Variants in XIRP2 observed in about 807,000 individuals in gnomAD.
The protein encoded by XIRP2 is xin actin-binding repeat-containing protein 2.
In XIRP2, 236 loss-of-function variants were observed where a neutral mutation model predicts 277.0. That is an observed-to-expected ratio of 0.85 (90% CI 0.77 to 0.95). The LOEUF is 0.95. Ranked by LOEUF, XIRP2 falls within the 40% of genes least tolerant of loss-of-function variation. The pLI is 0.00. For missense variants in XIRP2, 4,640 were observed against 4,157.5 expected (o/e 1.12, Z -3.19); for synonymous variants, 1,490 against 1,416.5 (o/e 1.05, Z -1.17).
chr2:167,201,287 A>G (rs1559018504), intron 3 of XIRP2, among the ~76,000 whole-genome samples: 2 of 148,832 alleles, frequency 1.3e-5, no homozygotes, highest in Non-Finnish European at 3.0e-5. Context: ...GAAAGAAGGA[A>G]GGAGGGAGGG....
At position 167,250,008 on chromosome 2, in the gene XIRP2, A is replaced by T. The variant is rs369691721; in HGVS notation, c.8616A>T (p.Thr2872=). ...CACAGACTCAGAATTTTCAGCAAACACAAATACAGACCGCTGAAAGTAAAG... is the reference window on the plus strand; with the variant it reads ...CACAGACTCAGAATTTTCAGCAAACTCAAATACAGACCGCTGAAAGTAAAG... ...LDSQTQNFQQ[T]QIQTAESKAE... Residue 2872 remains threonine, a synonymous_variant, in exon 9 of 11, where the codon ACA becomes ACT. Coordinates refer to ENST00000409195, the MANE Select transcript of XIRP2 (RefSeq NM_152381.6). 6.2e-7 allele frequency: 1 copy of T among 1,613,554 alleles called. No individual in the cohort carries two copies. The highest frequency in any genetic ancestry group is 1.3e-5 in the African/African-American group (1 of 74,880).
intron 9 of XIRP2, among the ~76,000 whole-genome samples, chr2:167,252,541 C>T (rs909204229): frequency 3.3e-5 from 5 of 151,742 alleles, no homozygotes; most frequent in Admixed American, 6.6e-5. Flanking sequence ...TGATTTTTTT[C>T]GCTTTTCTAA....
At chr2:166,930,643 T>C (rs1053883593) in intron 2 of XIRP2, among the ~76,000 whole-genome samples, 22 of 152,204 alleles carry the variant, frequency 1.4e-4, no homozygotes, top group African/African-American at 5.3e-4. Context: ...AAAAATTTCC[T>C]GATTGACACT....
intron 3 of XIRP2, among the ~76,000 whole-genome samples, chr2:167,149,434 C>T (rs1310896467): frequency 6.6e-6 from 1 of 152,042 alleles, no homozygotes; most frequent in Admixed American, 6.6e-5. Flanking sequence ...CAGAATTATG[C>T]CCATGTAAAC....
intron 2 of XIRP2, among the ~76,000 whole-genome samples, chr2:167,040,996 G>C (rs1003089075): frequency 6.6e-6 from 1 of 152,144 alleles, no homozygotes; most frequent in Non-Finnish European, 1.5e-5. Flanking sequence ...AAGTGCATTT[G>C]CCAGCATCCT....
chr2:166,971,096 T>C (rs189185347), intron 2 of XIRP2, among the ~76,000 whole-genome samples: 2 of 152,088 alleles, frequency 1.3e-5, no homozygotes, highest in Admixed American at 1.3e-4. Flanking sequence ...GAGATTATTT[T>C]TTTCCACATT....
chr2:167,064,954 C>T (rs944902361), intron 2 of XIRP2, among the ~76,000 whole-genome samples: 1 of 151,826 alleles, frequency 6.6e-6, no homozygotes, highest in African/African-American at 2.4e-5. Flanking sequence ...AATAATGCTG[C>T]TATGAATATG....
intron 2 of XIRP2, among the ~76,000 whole-genome samples, chr2:167,094,620 C>T (rs183518109): frequency 1.8e-4 from 28 of 152,100 alleles, no homozygotes; most frequent in East Asian, 5.8e-4. Flanking sequence ...AAAGATCAGA[C>T]GGTTGTAGAT....
chr2:166,918,336 C>T (rs1387578759), intron 2 of XIRP2, among the ~76,000 whole-genome samples: 7 of 151,984 alleles, frequency 4.6e-5, no homozygotes, highest in Admixed American at 3.9e-4. Context: ...CCAAAGGCCC[C>T]AGTTAAAGAC....
At chr2:167,242,088 A>T (rs1044231597) in intron 8 of XIRP2, among the ~76,000 whole-genome samples, 178 bp downstream of exon 8, 1 of 152,142 alleles carries the variant, frequency 6.6e-6, no homozygotes, top group African/African-American at 2.4e-5. Context: ...TAGAGTAAAA[A>T]CTTTTCTCAC....
At chr2:167,093,982 T>G (rs1690222544) in intron 2 of XIRP2, among the ~76,000 whole-genome samples, 1 of 151,770 alleles carries the variant, frequency 6.6e-6, no homozygotes, top group African/African-American at 2.4e-5. Flanking sequence ...GCATCTGTTG[T>G]TTCCTAACAT....
At chr2:167,211,458 A>G (rs1324195744) in intron 4 of XIRP2, among the ~76,000 whole-genome samples, 1 of 152,174 alleles carries the variant, frequency 6.6e-6, no homozygotes, top group Non-Finnish European at 1.5e-5. Context: ...GGGAATCATC[A>G]TTTATCACAC....
chr2:167,184,953 C>A (rs1573940526), intron 3 of XIRP2, among the ~76,000 whole-genome samples: 1 of 152,078 alleles, frequency 6.6e-6, no homozygotes, highest in Non-Finnish European at 1.5e-5. Context: ...AATCTTTCTG[C>A]CTTTATATCT....
intron 2 of XIRP2, among the ~76,000 whole-genome samples, chr2:166,938,944 G>T (rs200325036): frequency 6.6e-6 from 1 of 152,050 alleles, no homozygotes; most frequent in Non-Finnish European, 1.5e-5. Flanking sequence ...CCATTTGCTT[G>T]GTAGATCTTC....
intron 2 of XIRP2, among the ~76,000 whole-genome samples, chr2:167,019,320 C>T (rs1398834656): frequency 6.6e-6 from 1 of 151,882 alleles, no homozygotes; most frequent in African/African-American, 2.4e-5. Context: ...AAGATGTACA[C>T]TCTGATTACA....
chr2:167,021,850 C>A (rs1247718355), intron 2 of XIRP2, among the ~76,000 whole-genome samples: 2 of 151,824 alleles, frequency 1.3e-5, no homozygotes, highest in Non-Finnish European at 2.9e-5. Context: ...TTAAAAATTG[C>A]CGTTATAAAA....
Position 167,248,855 on chromosome 2 carries a change from A to T in XIRP2, c.7463A>T (p.Glu2488Val), listed in dbSNP as rs1304045996. ...KQNVISKSLDERKQLSIDSAN... is the reference protein window; with the variant it reads ...KQNVISKSLDVRKQLSIDSAN... ...AACGTTATTAGTAAGAGTCTTGATG[A>T]AAGAAAACAATTATCTATTGACTCT... Residue 2488 changes from glutamate (E) to valine (V), a missense_variant, in exon 9 of 11, where the codon GAA becomes GTA. Transcript: ENST00000409195. The T allele has an allele frequency of 6.2e-7, 1 of 1,613,616 alleles. No homozygotes were observed. The highest frequency in any genetic ancestry group is 8.5e-7 in the Non-Finnish European group (1 of 1,179,776).
chr2:167,178,987 C>A (rs113240596), intron 3 of XIRP2, among the ~76,000 whole-genome samples: 2 of 152,232 alleles, frequency 1.3e-5, no homozygotes, highest in African/African-American at 4.8e-5. Flanking sequence ...AATTTTATTT[C>A]TCCTGCTTTT....
At chr2:167,241,996 G>A in intron 8 of XIRP2, 86 bp downstream of exon 8, 1 of 1,436,348 alleles carries the variant, frequency 7.0e-7, no homozygotes, top group Admixed American at 2.6e-5. Flanking sequence ...AATACTTGAG[G>A]TGGCTTTTCA....
Sources: gnomAD v4.1 joint callset for allele counts (sites outside exome capture counted in the v4.1 genomes callset) on GRCh38, gnomAD v4.1.1 for gene constraint, MANE v1.5 for transcripts, NCBI Gene and HGNC (gene_info 2026-07-23, HGNC 2026-07-21) for gene names.